Variants in COBL observed in about 807,000 individuals in gnomAD.
COBL encodes protein cordon-bleu.
COBL carries 51 observed loss-of-function variants against 98.8 expected under a neutral mutation model. The observed-to-expected ratio is 0.52, with a 90% confidence interval of 0.41 to 0.65. The LOEUF (loss-of-function observed/expected upper bound fraction) is 0.65. COBL is among the 30% of genes least tolerant of loss of function. The pLI, the probability that COBL is intolerant of heterozygous loss-of-function variation, is 0.00. For missense variants in COBL, 1,617 were observed against 1,617.5 expected, an observed-to-expected ratio of 1.00 and a Z score of 0.01; for synonymous variants, 634 against 651.7, an observed-to-expected ratio of 0.97 and a Z score of 0.41.
intron 1 of COBL, among the ~76,000 whole-genome samples, chr7:51,295,583 C>T (rs1288819145): frequency 6.6e-6 from 1 of 152,122 alleles, no homozygotes; most frequent in Non-Finnish European, 1.5e-5. Context: ...TTGGGACACA[C>T]CCAGCAAAGC....
intron 4 of COBL, among the ~76,000 whole-genome samples, chr7:51,187,543 T>C (rs978419660): frequency 6.6e-6 from 1 of 152,162 alleles, no homozygotes; most frequent in East Asian, 1.9e-4. Context: ...CAGGATGGCC[T>C]TCAGGGGCAG....
At chr7:51,130,106 G>A (rs1201633565) in intron 6 of COBL, among the ~76,000 whole-genome samples, 2 of 152,188 alleles carry the variant, frequency 1.3e-5, no homozygotes, top group Admixed American at 1.3e-4. Flanking sequence ...ATGTGTACAA[G>A]AAGAGACACC....
chr7:51,122,372 G>A (rs1034481402), intron 6 of COBL, among the ~76,000 whole-genome samples: 10 of 152,114 alleles, frequency 6.6e-5, no homozygotes, highest in Admixed American at 4.6e-4. Context: ...TGTTTGTGTC[G>A]GACAGGAACT....
At chr7:51,219,339 G>A (rs1793391505) in intron 2 of COBL, among the ~76,000 whole-genome samples, 1 of 152,208 alleles carries the variant, frequency 6.6e-6, no homozygotes, top group African/African-American at 2.4e-5. Context: ...AAGTAGGTGT[G>A]GGAATGGTTA....
At chr7:51,182,375 G>A (rs903873800) in intron 5 of COBL, among the ~76,000 whole-genome samples, 19 of 151,634 alleles carry the variant, frequency 1.3e-4, no homozygotes, top group Admixed American at 5.9e-4. Context: ...TCTGCCTCCC[G>A]GATTCAAGCG....
At position 51,137,482 on chromosome 7, in the gene COBL, C is replaced by T. The variant is rs77226662; in HGVS notation, c.784-1151G>A. Among the ~76,000 whole-genome samples, 999 of 151,950 alleles carry T rather than the reference C, an allele frequency of 6.6e-3. 13 individuals carry two copies. The highest frequency in any genetic ancestry group is 0.023 in the African/African-American group (933 of 41,412). ...GGTGTGGTCATGCTCACCTTTAGTG[C>T]TAGCTACTTGGGATGCTAAGGTGGG... On this transcript the variant is annotated intron_variant, in intron 5 of 12. Transcript: ENST00000265136.
chr7:51,143,117 C>A (rs909044086), intron 5 of COBL, among the ~76,000 whole-genome samples: 4 of 151,994 alleles, frequency 2.6e-5, no homozygotes, highest in Non-Finnish European at 4.4e-5. Context: ...AGTGACTGAC[C>A]AGAATTAAAA....
intron 10 of COBL, among the ~76,000 whole-genome samples, chr7:51,027,397 C>T (rs1429229057): frequency 2.0e-5 from 3 of 152,202 alleles, no homozygotes; most frequent in South Asian, 2.1e-4. Flanking sequence ...TATGGATGGG[C>T]CTGCCCCTGG....
At chr7:51,157,261 T>C (rs776156247) in intron 5 of COBL, among the ~76,000 whole-genome samples, 3 of 152,168 alleles carry the variant, frequency 2.0e-5, no homozygotes, top group Non-Finnish European at 4.4e-5. Context: ...TAATCCCAGC[T>C]ACCTGGGAGG....
rs60211220 is a variant in COBL at position 51,201,698 on chromosome 7, A to G, written c.246-8109T>C. ...GCATGTGGAACATTCTTCAGGGTAT[A>G]TAACAAGTTAGGTGTCAAAAGAGGT... On this transcript the variant is annotated intron_variant, in intron 2 of 12. Transcript: ENST00000265136. 7.1e-3 allele frequency among the ~76,000 whole-genome samples: 1,079 copies of G among 152,350 alleles called. 14 individuals carry two copies. Among genetic ancestry groups the G allele is most frequent in the African/African-American group, 0.025 (1,029 of 41,570 alleles).
chr7:51,027,326 T>A (rs1562809332), intron 10 of COBL, among the ~76,000 whole-genome samples: 1 of 152,244 alleles, frequency 6.6e-6, no homozygotes, highest in Non-Finnish European at 1.5e-5. Flanking sequence ...TACAAATGCA[T>A]ATGGGAAAGA....
chr7:51,112,029 C>T (rs542054629), intron 6 of COBL, among the ~76,000 whole-genome samples: 4 of 152,248 alleles, frequency 2.6e-5, no homozygotes, highest in South Asian at 2.1e-4. Context: ...TTGCATGGCA[C>T]GGGGACCACT....
intron 6 of COBL, among the ~76,000 whole-genome samples, chr7:51,090,262 G>T (rs1414602956): frequency 6.6e-6 from 1 of 152,160 alleles, no homozygotes; most frequent in African/African-American, 2.4e-5. Context: ...ACAGCAATTT[G>T]TAATCCAGAA....
At chr7:51,043,086 T>C (rs1789359682) in intron 8 of COBL, among the ~76,000 whole-genome samples, 1 of 152,160 alleles carries the variant, frequency 6.6e-6, no homozygotes, top group Non-Finnish European at 1.5e-5. Flanking sequence ...AATAAATGAA[T>C]GAACAACACA....
At chr7:51,082,072 T>A (rs1793710923) in intron 7 of COBL, among the ~76,000 whole-genome samples, 1 of 152,112 alleles carries the variant, frequency 6.6e-6, no homozygotes, top group African/African-American at 2.4e-5. Context: ...AGAAAGTCAA[T>A]AAGTAATCCA....
intron 7 of COBL, among the ~76,000 whole-genome samples, chr7:51,049,235 A>G (rs1043264559): frequency 3.3e-5 from 5 of 152,236 alleles, no homozygotes; most frequent in African/African-American, 1.2e-4. Context: ...TCTTATACCA[A>G]TATTTCCATT....
At position 51,028,939 on chromosome 7, in the gene COBL, A is replaced by G; in HGVS notation, c.2157T>C (p.Cys719=). 6.2e-7 allele frequency: 1 copy of G among 1,614,200 alleles called. No individual in the cohort carries two copies. The highest frequency in any genetic ancestry group is 8.5e-7 in the Non-Finnish European group (1 of 1,180,026). The change falls in exon 10 of 13, where the codon TGT becomes TGC. Residue 719 remains cysteine, a synonymous_variant. Coordinates refer to ENST00000265136, the MANE Select transcript of COBL (RefSeq NM_015198.5). The part of the protein sequence containing the change: ...KIIPPKSEMR[C]YDRDVSLSTG... ...TGGAGAGGGACACATCTCTGTCGTAACATCGCATCTCTGACTTTGGAGGAA... is the reference window on the plus strand; with the variant it reads ...TGGAGAGGGACACATCTCTGTCGTAGCATCGCATCTCTGACTTTGGAGGAA...
At chr7:51,289,614 C>A (rs966345677) in intron 1 of COBL, among the ~76,000 whole-genome samples, 1 of 152,264 alleles carries the variant, frequency 6.6e-6, no homozygotes, top group Non-Finnish European at 1.5e-5. Flanking sequence ...GACTCAGTCT[C>A]AAACACTTCT....
At chr7:51,105,733 G>T (rs986781421) in intron 6 of COBL, among the ~76,000 whole-genome samples, 15 of 152,134 alleles carry the variant, frequency 9.9e-5, no homozygotes, top group African/African-American at 3.4e-4. Flanking sequence ...TCCAGCCTGG[G>T]CAACAGAACA....
Sources: allele counts gnomAD v4.1 joint callset (sites outside exome capture counted in the v4.1 genomes callset), GRCh38; gene constraint gnomAD v4.1.1; transcripts MANE v1.5; gene names NCBI Gene and HGNC (gene_info 2026-07-23, HGNC 2026-07-21).